Variants in FDX1 observed in about 807,000 individuals in gnomAD.
The protein encoded by FDX1 is adrenodoxin, mitochondrial.
Under a neutral mutation model 14.9 loss-of-function variants are expected in FDX1, and 9 were observed. The observed-to-expected ratio is 0.60, with a 90% CI of 0.36 to 1.05. The LOEUF (loss-of-function observed/expected upper bound fraction) is 1.05, where lower values mean the gene tolerates loss of function less well. FDX1 is among the 50% of genes least tolerant of loss of function. FDX1 has a pLI of 0.01. For synonymous variants in FDX1, 92 were observed against 99.4 expected (o/e 0.93, Z 0.44); for missense variants, 204 against 237.2 (o/e 0.86, Z 0.92).
At chr11:110,455,516 G>C (rs1175248916) in intron 2 of FDX1, among the ~76,000 whole-genome samples, 1 of 152,148 alleles carries the variant, frequency 6.6e-6, no homozygotes, top group Non-Finnish European at 1.5e-5. Context: ...AAATTGTACA[G>C]TGGCTTTAAA....
At position 110,464,619 on chromosome 11, in the gene FDX1, G is replaced by A. The variant is rs1946581657; in HGVS notation, c.*2151G>A. On this transcript the variant is annotated 3_prime_UTR_variant, in exon 4 of 4. Coordinates refer to ENST00000260270, the MANE Select transcript of FDX1 (RefSeq NM_004109.5). ...TTAATTTCAAGATGAGTTTTGGAGG[G>A]GACATTCAAACCATAGCAGTGCTAT... is the stretch of plus-strand genomic sequence containing the variant. 6.6e-6 allele frequency: 1 copy of A among 152,000 alleles called. No individual in the cohort carries two copies. Among genetic ancestry groups the A allele is most frequent in the Admixed American group, 6.6e-5 (1 of 15,250 alleles). 9.4% of individuals were successfully genotyped at this position (152,000 alleles called of 1,614,324 possible).
At chr11:110,450,829 T>C (rs1352154770) in intron 2 of FDX1, among the ~76,000 whole-genome samples, 1 of 152,204 alleles carries the variant, frequency 6.6e-6, no homozygotes, top group Non-Finnish European at 1.5e-5. Flanking sequence ...TGTACATACA[T>C]GTATACACAT....
intron 1 of FDX1, among the ~76,000 whole-genome samples, chr11:110,433,394 T>C (rs955292811): frequency 2.0e-5 from 3 of 152,250 alleles, no homozygotes; most frequent in African/African-American, 7.2e-5. Flanking sequence ...AAACCTAGGT[T>C]AAATGGTACC....
At chr11:110,435,446 C>T (rs1176846958) in intron 1 of FDX1, among the ~76,000 whole-genome samples, 2 of 152,166 alleles carry the variant, frequency 1.3e-5, no homozygotes, top group Non-Finnish European at 2.9e-5. Context: ...CACCAGGTGG[C>T]GTTGACCAGG....
At chr11:110,438,653 T>G (rs1946385979) in intron 2 of FDX1, among the ~76,000 whole-genome samples, 1 of 152,146 alleles carries the variant, frequency 6.6e-6, no homozygotes, top group South Asian at 2.1e-4. Flanking sequence ...AAATTTTATA[T>G]TTTTAGTTTT....
intron 2 of FDX1, among the ~76,000 whole-genome samples, chr11:110,440,707 A>G (rs1212766841): frequency 6.6e-6 from 1 of 152,226 alleles, no homozygotes; most frequent in Non-Finnish European, 1.5e-5. Flanking sequence ...ATTGGAATGG[A>G]TGCTAAACAT....
chr11:110,438,243 A>G (rs569667280), intron 2 of FDX1, among the ~76,000 whole-genome samples: 88 of 152,302 alleles, frequency 5.8e-4, no homozygotes, highest in African/African-American at 2.0e-3. Flanking sequence ...TTACATTCCC[A>G]CCAGGACTGT....
chr11:110,438,405 C>T (rs1046850520), intron 2 of FDX1, among the ~76,000 whole-genome samples: 58 of 152,092 alleles, frequency 3.8e-4, no homozygotes, highest in African/African-American at 1.4e-3. Context: ...TTGTTGACCA[C>T]TTGTATGTCT....
chr11:110,446,037 G>A (rs74414319), intron 2 of FDX1, among the ~76,000 whole-genome samples: 2,625 of 152,072 alleles, frequency 0.017, 82 homozygotes, highest in African/African-American at 0.06. Context: ...ATAGAAATTC[G>A]CGTATTCAGA....
intron 2 of FDX1, among the ~76,000 whole-genome samples, chr11:110,443,462 C>T (rs1271859177): frequency 5.1e-5 from 6 of 117,120 alleles, no homozygotes; most frequent in African/African-American, 9.8e-5. Context: ...TTTTTTGAGA[C>T]GTAGTTTTGC....
intron 3 of FDX1, among the ~76,000 whole-genome samples, chr11:110,459,407 T>C (rs1010669850): frequency 2.0e-5 from 3 of 152,206 alleles, no homozygotes; most frequent in African/African-American, 7.2e-5. Context: ...ACTTAAGTAT[T>C]ATTTCTAACC....
At chr11:110,454,785 T>G (rs2134690789) in intron 2 of FDX1, among the ~76,000 whole-genome samples, 1 of 152,302 alleles carries the variant, frequency 6.6e-6, no homozygotes. Flanking sequence ...TTAGTATAGT[T>G]ACTCTTGAGG....
chr11:110,430,439 C>T lies in FDX1; in HGVS notation c.185+134C>T, dbSNP rs187021002. 5.3e-3 allele frequency: 2,715 copies of T among 516,090 alleles called. 15 individuals are homozygous for T. Among genetic ancestry groups the T allele is most frequent in the Non-Finnish European group, 6.4e-3 (2,275 of 357,340 alleles). The allele number at this position is 516,090 out of a possible 1,614,324, so 32.0% of individuals were successfully genotyped here. ...CCACACCCCGGAGGCCTGCCTCTCG[C>T]CCCCCTCTTCTGGGGTGCTCTCGCG... is the stretch of plus-strand genomic sequence containing the variant. On this transcript the variant is annotated intron_variant, in intron 1 of 3. Transcript: ENST00000260270.
chr11:110,454,380 G>A (rs541653053), intron 2 of FDX1, among the ~76,000 whole-genome samples: 1 of 152,306 alleles, frequency 6.6e-6, no homozygotes, highest in Admixed American at 6.5e-5. Flanking sequence ...GGTACAAAAA[G>A]CAATGTCCTT....
At chr11:110,440,791 G>T (rs980073028) in intron 2 of FDX1, among the ~76,000 whole-genome samples, 4 of 152,070 alleles carry the variant, frequency 2.6e-5, no homozygotes, top group Non-Finnish European at 4.4e-5. Context: ...ATACTGTAAA[G>T]ACAAAAGTAC....
At chr11:110,461,594 A>G (rs1407902257) in intron 3 of FDX1, among the ~76,000 whole-genome samples, 1 of 151,920 alleles carries the variant, frequency 6.6e-6, no homozygotes, top group East Asian at 1.9e-4. Context: ...TAAAATGACA[A>G]ATATTTATTA....
At chr11:110,438,177 C>T (rs891302086) in intron 2 of FDX1, among the ~76,000 whole-genome samples, 5 of 152,142 alleles carry the variant, frequency 3.3e-5, no homozygotes, top group Admixed American at 3.3e-4. Context: ...AATGGTAGTT[C>T]CATTTTTAGT....
At chr11:110,444,628 ATATATG>A (rs1946426191) in intron 2 of FDX1, among the ~76,000 whole-genome samples, 1 of 102,496 alleles carries the variant, frequency 9.8e-6, no homozygotes, top group African/African-American at 4.5e-5. Context: ...AAAAAAGAAA[ATATATG>A]TGTGTGTGTG....
chr11:110,450,894 G>C (rs1241090619), intron 2 of FDX1, among the ~76,000 whole-genome samples: 1 of 151,968 alleles, frequency 6.6e-6, no homozygotes, highest in African/African-American at 2.4e-5. Context: ...CACTTATAAA[G>C]ACACTAAAAG....
Sources: allele counts gnomAD v4.1 joint callset (sites outside exome capture counted in the v4.1 genomes callset), GRCh38; gene constraint gnomAD v4.1.1; transcripts MANE v1.5; gene names NCBI Gene and HGNC (gene_info 2026-07-23, HGNC 2026-07-21).